The following CELF2 variants were observed in gnomAD, a reference collection of about 807,000 sequenced individuals.
The protein encoded by CELF2 is CUG triplet repeat RNA-binding protein 2.
Under a neutral mutation model 62.6 loss-of-function variants are expected in CELF2, and 8 were observed. The ratio of observed to expected loss-of-function variants is 0.13; its 90% CI spans 0.07 to 0.23. The LOEUF is 0.23. Among genes scored for constraint, CELF2 ranks in the 10% least tolerant of loss-of-function variants. CELF2 has a pLI of 1.00. For missense variants in CELF2, 333 were observed against 671.0 expected, an observed-to-expected ratio of 0.50 and a Z score of 5.56; for synonymous variants, 258 against 250.0, an observed-to-expected ratio of 1.03 and a Z score of -0.30.
chr10:10,759,936 G>A, the CELF2 span, among the ~76,000 whole-genome samples: 16 of 151,878 alleles, frequency 1.1e-4, no homozygotes, highest in South Asian at 2.1e-4. Context: ...ATGGAGTTTC[G>A]CTCTTGTTAC....
the CELF2 span, among the ~76,000 whole-genome samples, chr10:10,753,827 A>G: frequency 3.3e-5 from 5 of 152,194 alleles, no homozygotes; most frequent in African/African-American, 1.2e-4. Context: ...GGTTATACAG[A>G]TAATTCCAGA....
At chr10:10,818,227 A>G (rs1365755167) in intron 1 of CELF2, among the ~76,000 whole-genome samples, 2 of 151,958 alleles carry the variant, frequency 1.3e-5, no homozygotes, top group South Asian at 2.1e-4. Flanking sequence ...GCCTCCAGGA[A>G]CTCCTCTGGT....
intron 8 of CELF2, among the ~76,000 whole-genome samples, chr10:11,276,015 G>C (rs1005257373): frequency 6.6e-6 from 1 of 152,200 alleles, no homozygotes; most frequent in African/African-American, 2.4e-5. Context: ...GTTAATCAAG[G>C]ACACCCTGAA....
At chr10:11,252,206 C>A (rs1323058553) in intron 4 of CELF2, among the ~76,000 whole-genome samples, 1 of 152,190 alleles carries the variant, frequency 6.6e-6, no homozygotes, top group African/African-American at 2.4e-5. Flanking sequence ...AAGCCACAAG[C>A]CTTTTCTAAT....
At position 11,268,535 on chromosome 10, in the gene CELF2, C is replaced by T. The variant is rs56251303; in HGVS notation, c.618+1858C>T. On this transcript the variant is annotated intron_variant, in intron 6 of 12. Coordinates refer to ENST00000633077, the MANE Select transcript of CELF2 (RefSeq NM_001326342.2). This position sits in a 1 kb window ranked among gnomAD's most constrained non-coding sequence, Gnocchi z 4.7. ...GAACCAGGCTGAGAAACAGTAGGTTCCCATCATGTAAAGAGTTGGTTTGAC... is the reference window on the plus strand; with the variant it reads ...GAACCAGGCTGAGAAACAGTAGGTTTCCATCATGTAAAGAGTTGGTTTGAC... 0.074 allele frequency among the ~76,000 whole-genome samples: 11,187 copies of T among 152,186 alleles called. 527 individuals are homozygous for T. The highest frequency in any genetic ancestry group is 0.1 in the Non-Finnish European group (7,017 of 67,986).
chr10:10,602,150 TTG>T, the CELF2 span, among the ~76,000 whole-genome samples: 1 of 152,214 alleles, frequency 6.6e-6, no homozygotes, highest in Non-Finnish European at 1.5e-5. Context: ...TGATGGGCAT[TTG>T]GGTTGATTCC....
chr10:11,324,945 A>G lies in CELF2; in HGVS notation c.1295-891A>G, dbSNP rs1344991435. Among the ~76,000 whole-genome samples the G allele has an allele frequency of 6.6e-6, 1 of 152,106 alleles. No homozygotes were observed. The highest frequency in any genetic ancestry group is 2.4e-5 in the African/African-American group (1 of 41,420). The stretch of plus-strand genomic sequence containing the variant: ...ACTCCATGCCTGGAACGCCCAAGAA[A>G]CAGCCAGCCCTCATCTCCCTCAGCT... On this transcript the variant is annotated intron_variant, in intron 11 of 12. Coordinates refer to ENST00000633077, the MANE Select transcript of CELF2 (RefSeq NM_001326342.2). This position sits in a 1 kb window ranked among gnomAD's most constrained non-coding sequence, Gnocchi z 4.7.
rs1171802602 is a variant in CELF2 at position 11,224,943 on chromosome 10, G to A, written c.354+7436G>A. 1.3e-5 allele frequency among the ~76,000 whole-genome samples: 2 copies of A among 152,130 alleles called. No individual in the cohort carries two copies. The highest frequency in any genetic ancestry group is 1.5e-5 in the Non-Finnish European group (1 of 68,030). On this transcript the variant is annotated intron_variant, in intron 3 of 12. Transcript: ENST00000633077. The surrounding 1 kb of genome is among the most constrained non-coding windows in gnomAD (Gnocchi z 4.5). ...GATCAGAGGGAGTCAGGGCTCTGCC[G>A]GATATGGTCTGGTTTGTGCAGGGAA...
intron 2 of CELF2, among the ~76,000 whole-genome samples, chr10:10,981,633 C>G (rs1173287959): frequency 6.6e-6 from 1 of 152,332 alleles, no homozygotes; most frequent in Admixed American, 6.5e-5. Context: ...CATAGTTACA[C>G]CCTTTTCTAG....
At chr10:10,570,862 A>T in the CELF2 span, among the ~76,000 whole-genome samples, 3 of 152,160 alleles carry the variant, frequency 2.0e-5, no homozygotes, top group Non-Finnish European at 4.4e-5. Context: ...GTGGGAAAAC[A>T]ATATGTGAAG....
the CELF2 span, among the ~76,000 whole-genome samples, chr10:10,698,908 C>T: frequency 6.6e-6 from 1 of 152,094 alleles, no homozygotes; most frequent in Non-Finnish European, 1.5e-5. Flanking sequence ...TTGAAACTAG[C>T]TTGCAGTGTG....
chr10:11,028,483 G>A (rs1250669819), intron 1 of CELF2, among the ~76,000 whole-genome samples: 6 of 149,426 alleles, frequency 4.0e-5, no homozygotes, highest in Admixed American at 1.3e-4. Flanking sequence ...GCAGTGGCGC[G>A]ATCCCGGCTC....
the CELF2 span, among the ~76,000 whole-genome samples, chr10:10,580,222 C>A: frequency 6.6e-6 from 1 of 152,096 alleles, no homozygotes; most frequent in African/African-American, 2.4e-5. Context: ...AAGGTGGGGG[C>A]AACCTTCTAA....
At chr10:10,464,655 C>G in the CELF2 span, among the ~76,000 whole-genome samples, 2 of 152,210 alleles carry the variant, frequency 1.3e-5, no homozygotes, top group East Asian at 3.9e-4. Flanking sequence ...CTAGCAACAC[C>G]ATTAAATGTG....
At chr10:10,945,561 TGCCAGCACA>T (rs1436361606) in intron 2 of CELF2, among the ~76,000 whole-genome samples, 1 of 152,226 alleles carries the variant, frequency 6.6e-6, no homozygotes, top group Admixed American at 6.5e-5. Context: ...TAGGTGGGCT[TGCCAGCACA>T]GCTTTGAAGG....
At chr10:11,212,393 G>C (rs1237921017) in intron 2 of CELF2, among the ~76,000 whole-genome samples, 1 of 152,178 alleles carries the variant, frequency 6.6e-6, no homozygotes, top group Non-Finnish European at 1.5e-5. Flanking sequence ...TTTCTTCTGT[G>C]CTTTTTCTGT....
the CELF2 span, among the ~76,000 whole-genome samples, chr10:10,706,715 G>C: frequency 6.6e-6 from 1 of 152,202 alleles, no homozygotes; most frequent in Non-Finnish European, 1.5e-5. Flanking sequence ...CAAGTGAATT[G>C]TCAAAAGTTA....
At chr10:11,151,970 T>G (rs2063420710) in intron 1 of CELF2, among the ~76,000 whole-genome samples, 1 of 152,134 alleles carries the variant, frequency 6.6e-6, no homozygotes, top group Non-Finnish European at 1.5e-5. Context: ...AGTTAGAGCT[T>G]GGTAAAGAGA....
the CELF2 span, among the ~76,000 whole-genome samples, chr10:10,474,857 G>A: frequency 1.3e-5 from 2 of 152,058 alleles, no homozygotes; most frequent in African/African-American, 4.8e-5. Context: ...GATGTGATGA[G>A]GTCAGGACTA....
Sources: allele counts gnomAD v4.1 joint callset (sites outside exome capture counted in the v4.1 genomes callset), GRCh38; gene constraint gnomAD v4.1.1; non-coding constraint Gnocchi (gnomAD v3.1); transcripts MANE v1.5; gene names NCBI Gene and HGNC (gene_info 2026-07-23, HGNC 2026-07-21).